Variants in TPST1 observed in about 807,000 individuals in gnomAD.
The protein encoded by TPST1 is protein-tyrosine sulfotransferase 1.
TPST1 carries 20 observed loss-of-function variants against 34.8 expected under a neutral mutation model. That is an observed-to-expected ratio of 0.57 (90% CI 0.40 to 0.84). The LOEUF (loss-of-function observed/expected upper bound fraction) is 0.84. Among genes scored for constraint, TPST1 ranks in the 40% least tolerant of loss-of-function variants. TPST1 has a pLI of 0.00. For synonymous variants in TPST1, 152 were observed against 159.4 expected (o/e 0.95, Z 0.35); for missense variants, 353 against 455.5 (o/e 0.78, Z 2.05).
intron 3 of TPST1, among the ~76,000 whole-genome samples, chr7:66,305,504 C>T (rs1271153658): frequency 6.6e-6 from 1 of 152,152 alleles, no homozygotes; most frequent in Non-Finnish European, 1.5e-5. Context: ...TTTCCTTCTT[C>T]CATTGAGTAT....
chr7:66,279,290 C>T (rs142749525), intron 2 of TPST1, among the ~76,000 whole-genome samples: 2,253 of 152,286 alleles, frequency 0.015, 60 homozygotes, highest in African/African-American at 0.048. Context: ...TGTAGTATTC[C>T]ATGGTGTATA....
chr7:66,301,907 C>T (rs918904488), intron 3 of TPST1, among the ~76,000 whole-genome samples: 1 of 152,160 alleles, frequency 6.6e-6, no homozygotes, highest in Non-Finnish European at 1.5e-5. Flanking sequence ...GGAAAAATGT[C>T]ACCAACAGAC....
intron 3 of TPST1, among the ~76,000 whole-genome samples, chr7:66,297,143 A>C (rs1368927881): frequency 6.6e-6 from 1 of 152,094 alleles, no homozygotes; most frequent in African/African-American, 2.4e-5. Flanking sequence ...AAGGACTCCT[A>C]TTTTATAGTC....
intron 2 of TPST1, among the ~76,000 whole-genome samples, chr7:66,248,438 G>T (rs1480411672): frequency 6.7e-6 from 1 of 150,120 alleles, no homozygotes; most frequent in Non-Finnish European, 1.5e-5. Flanking sequence ...TGATTGTAAT[G>T]TGTAAAATTT....
At chr7:66,311,600 T>G (rs902545541) in intron 3 of TPST1, among the ~76,000 whole-genome samples, 2 of 152,186 alleles carry the variant, frequency 1.3e-5, no homozygotes, top group African/African-American at 4.8e-5. Flanking sequence ...AAGCAATTAC[T>G]AAACAGTTGC....
At position 66,295,838 on chromosome 7, in the gene TPST1, G is replaced by A. The variant is rs139617042; in HGVS notation, c.1044+9129G>A. Among the ~76,000 whole-genome samples the A allele has an allele frequency of 6.7e-3, 1,023 of 152,012 alleles. 11 individuals are homozygous for A. Among genetic ancestry groups the A allele is most frequent in the African/African-American group, 0.021 (881 of 41,466 alleles). On this transcript the variant is annotated intron_variant, in intron 3 of 5. Coordinates refer to ENST00000304842, the MANE Select transcript of TPST1 (RefSeq NM_003596.4). ...TTATTTTTAGTAAAGTTAGGGTTTC[G>A]TTGTGTTGGCCTGGCTGATCTCAAA...
chr7:66,308,872 C>T (rs11984115), intron 3 of TPST1, among the ~76,000 whole-genome samples: 101,183 of 151,984 alleles, frequency 0.67, 34,043 homozygotes, highest in African/African-American at 0.76. Context: ...TTAAATACAC[C>T]CCAGTATTCC....
intron 1 of TPST1, among the ~76,000 whole-genome samples, chr7:66,215,719 A>G (rs1317175502): frequency 6.8e-6 from 1 of 147,854 alleles, no homozygotes; most frequent in East Asian, 2.0e-4. Flanking sequence ...TTTTTTTTTT[A>G]ACTTTTGATA....
At chr7:66,223,286 A>AAAAG (rs1175996112) in intron 1 of TPST1, among the ~76,000 whole-genome samples, 1 of 151,536 alleles carries the variant, frequency 6.6e-6, no homozygotes, top group Non-Finnish European at 1.5e-5. Context: ...GTCTCTACAA[A>AAAAG]AAAGAAAGAA....
At chr7:66,336,314 A>G (rs570778268) in intron 3 of TPST1, among the ~76,000 whole-genome samples, 1 of 152,324 alleles carries the variant, frequency 6.6e-6, no homozygotes, top group African/African-American at 2.4e-5. Flanking sequence ...CGCCTCAAAA[A>G]AAAAAAAAAT....
At chr7:66,347,214 T>C (rs535323218) in intron 3 of TPST1, among the ~76,000 whole-genome samples, 1 of 151,872 alleles carries the variant, frequency 6.6e-6, no homozygotes, top group East Asian at 1.9e-4. Flanking sequence ...ATTTCAGGTA[T>C]ATGCCACCAT....
chr7:66,304,771 CTT>C (rs1210102275), intron 3 of TPST1, among the ~76,000 whole-genome samples: 1 of 151,810 alleles, frequency 6.6e-6, no homozygotes, highest in Non-Finnish European at 1.5e-5. Flanking sequence ...CACATCCCCT[CTT>C]TGATATCCTA....
chr7:66,352,397 C>T lies in TPST1; in HGVS notation c.1045-108C>T, dbSNP rs562051677. 6.5e-6 allele frequency: 10 copies of T among 1,530,964 alleles called. No individual in the cohort carries two copies. In the Admixed American group the frequency reaches 6.9e-5, roughly 11 times the overall value. The allele number at this position is 1,530,964 out of a possible 1,614,324, so 94.8% of individuals were successfully genotyped here. A position where few individuals can be genotyped will look rare whatever the true frequency, so the allele number is the denominator to read the frequency against. On this transcript the variant is annotated intron_variant, in intron 3 of 5. Coordinates refer to ENST00000304842, the MANE Select transcript of TPST1 (RefSeq NM_003596.4). ...ACAGGCTTCTTTCTCATTCTAAACT[C>T]ACCAGCAGTGGAGCAGTAAACCCGG... is the stretch of plus-strand genomic sequence containing the variant.
chr7:66,356,944 G>A, intron 5 of TPST1, 73 bp downstream of exon 5: 9 of 1,496,422 alleles, frequency 6.0e-6, no homozygotes, highest in Non-Finnish European at 8.3e-6. Context: ...GGTGGCCAAG[G>A]TGGAGAGCAC....
intron 2 of TPST1, among the ~76,000 whole-genome samples, chr7:66,283,854 C>G (rs1790980785): frequency 6.6e-6 from 1 of 152,202 alleles, no homozygotes; most frequent in Non-Finnish European, 1.5e-5. Context: ...CTTTGTCTCT[C>G]TTGCTGGATT....
chr7:66,340,868 A>G (rs1309062144), intron 3 of TPST1, among the ~76,000 whole-genome samples: 1 of 152,114 alleles, frequency 6.6e-6, no homozygotes, highest in Non-Finnish European at 1.5e-5. Flanking sequence ...AAAATTAGCC[A>G]GGCCTGGTTG....
At chr7:66,302,705 C>T (rs1162901785) in intron 3 of TPST1, among the ~76,000 whole-genome samples, 1 of 152,186 alleles carries the variant, frequency 6.6e-6, no homozygotes, top group Non-Finnish European at 1.5e-5. Flanking sequence ...TCATCCTTCT[C>T]CAGAAATTGG....
At chr7:66,273,789 T>A (rs1790749323) in intron 2 of TPST1, among the ~76,000 whole-genome samples, 1 of 122,974 alleles carries the variant, frequency 8.1e-6, no homozygotes, top group Non-Finnish European at 1.7e-5. Context: ...CAAAGTTTTA[T>A]CTTGGAAAAA....
intron 3 of TPST1, among the ~76,000 whole-genome samples, chr7:66,295,682 CAG>C (rs1164954103): frequency 9.2e-5 from 14 of 152,140 alleles, no homozygotes; most frequent in African/African-American, 3.1e-4. Flanking sequence ...TTATTTGAGA[CAG>C]AGTCTTGCTC....
Sources: allele counts gnomAD v4.1 joint callset (sites outside exome capture counted in the v4.1 genomes callset), GRCh38; gene constraint gnomAD v4.1.1; transcripts MANE v1.5; gene names NCBI Gene and HGNC (gene_info 2026-07-23, HGNC 2026-07-21).